OR2T12: variants seen among roughly 807,000 people sequenced by gnomAD.
OR2T12 encodes the protein olfactory receptor 2T12.
For synonymous variants in OR2T12, 127 were observed against 160.5 expected, an observed-to-expected ratio of 0.79 and a Z score of 1.58; for missense variants, 335 against 404.3, an observed-to-expected ratio of 0.83 and a Z score of 1.47.
In OR2T12 at chr1:248,294,479, G is replaced by T; in HGVS notation, c.*137C>A. The T allele has an allele frequency of 8.7e-7, 1 of 1,151,908 alleles. No homozygotes were observed. The highest frequency in any genetic ancestry group is 1.2e-6 in the Non-Finnish European group (1 of 815,032). 71.4% of individuals were successfully genotyped at this position (1,151,908 alleles called of 1,614,324 possible). On this transcript the variant is annotated 3_prime_UTR_variant, in exon 3 of 3. Transcript: ENST00000641276. ...AAAATGGTATCTGTCAATACAATTG[G>T]CTCACTTCATTCTTAAAAATATCTT... is the stretch of plus-strand genomic sequence containing the variant.
Position 248,301,523 on chromosome 1 carries a change from A to T in OR2T12, c.-159T>A, listed in dbSNP as rs1046237227. 7 of 152,066 alleles carry T rather than the reference A, an allele frequency of 4.6e-5. No homozygotes were observed. The highest frequency in any genetic ancestry group is 9.7e-5 in the African/African-American group (4 of 41,436). 9.4% of individuals were successfully genotyped at this position (152,066 alleles called of 1,614,324 possible). ...AAAAATGGATCTGTGGTGAAATATC[A>T]TTGCAACTCCAAGTTATCCAGGACT... On this transcript the variant is annotated 5_prime_UTR_variant, in exon 2 of 3. The change abolishes an upstream ATG in the 5' untranslated region. Coordinates refer to ENST00000641276, the MANE Select transcript of OR2T12 (RefSeq NM_001004692.2).
rs1312992067 is a variant in OR2T12, at chr1:248,295,180, G to A, written c.399C>T (p.Leu133=). The A allele has an allele frequency of 2.5e-6, 4 of 1,609,398 alleles. No individual in the cohort carries two copies. The East Asian group carries it at 8.9e-5, about 36-fold the overall frequency. ...AVCHPLRYPT[L]MSWQLCLRMT... is the part of the protein sequence containing the mutation. ...TCCTCAGGCACAGCTGCCAGCTCATGAGAGTGGGATATCGGAGTGGGTGGC... is the reference window on the plus strand; with the variant it reads ...TCCTCAGGCACAGCTGCCAGCTCATAAGAGTGGGATATCGGAGTGGGTGGC... The change falls in exon 3 of 3, where the codon CTC becomes CTT. Residue 133 remains leucine (L), a synonymous_variant. Coordinates refer to ENST00000641276, the MANE Select transcript of OR2T12 (RefSeq NM_001004692.2).
In OR2T12 at chr1:248,295,141, G is replaced by A. The variant is rs141434381; in HGVS notation, c.438C>T (p.Ser146=). ...GGCCGTCAGCTGCACCCAGGAGCCAGGACGACATGGTCATCCTCAGGCACA... is the reference window on the plus strand; with the variant it reads ...GGCCGTCAGCTGCACCCAGGAGCCAAGACGACATGGTCATCCTCAGGCACA... The part of the protein sequence containing the change: ...WQLCLRMTMS[S]WLLGAADGLL... The change falls in exon 3 of 3, where the codon TCC becomes TCT. Residue 146 remains serine, a synonymous_variant. Coordinates refer to ENST00000641276, the MANE Select transcript of OR2T12 (RefSeq NM_001004692.2). 4.4e-3 allele frequency: 6,823 copies of A among 1,540,254 alleles called. 157 individuals carry two copies. The African/African-American group carries it at 0.057, about 13-fold the overall frequency.
At position 248,291,749 on chromosome 1, in the gene OR2T12, C is replaced by A. The variant is rs1157420935; in HGVS notation, c.*2867G>T. 6.6e-6 allele frequency: 1 copy of A among 152,054 alleles called. No homozygotes were observed. The highest frequency in any genetic ancestry group is 1.5e-5 in the Non-Finnish European group (1 of 68,014). The allele number at this position is 152,054 out of a possible 1,614,324, so 9.4% of individuals were successfully genotyped here. A position where few individuals can be genotyped will look rare whatever the true frequency, so the allele number is the denominator to read the frequency against. On this transcript the variant is annotated 3_prime_UTR_variant, in exon 3 of 3. Transcript: ENST00000641276. The stretch of plus-strand genomic sequence containing the variant: ...ACTGGTACCAAAACAGATATATAGA[C>A]CAATAAACAGAACAGAGGCCTCAGA...
chr1:248,298,800 C>G (rs888815356), intron 2 of OR2T12, among the ~76,000 whole-genome samples: 7 of 151,202 alleles, frequency 4.6e-5, no homozygotes, highest in African/African-American at 1.7e-4. Context: ...TTCAAAAAAC[C>G]AGCTCCTGGA....
chr1:248,296,243 C>A (rs1285292863), intron 2 of OR2T12, among the ~76,000 whole-genome samples: 1 of 152,148 alleles, frequency 6.6e-6, no homozygotes, highest in Non-Finnish European at 1.5e-5. Flanking sequence ...TTTTCTTAAT[C>A]CAGTCTATCA....
intron 1 of OR2T12, among the ~76,000 whole-genome samples, 182 bp downstream of exon 1, chr1:248,303,164 C>G (rs1205435469): frequency 1.3e-5 from 2 of 152,054 alleles, no homozygotes; most frequent in Non-Finnish European, 2.9e-5. Context: ...AGGCAGGTAA[C>G]CACTCCTTCT....
chr1:248,302,512 TACAAAATGTATATCCAACA>T (rs1223560936), intron 1 of OR2T12, among the ~76,000 whole-genome samples: 1 of 152,178 alleles, frequency 6.6e-6, no homozygotes, highest in Non-Finnish European at 1.5e-5. Flanking sequence ...TAAAGCATTT[TACAAAATGTATATCCAACA>T]TATTTGTTGT....
In OR2T12 at chr1:248,293,602, C is replaced by T. The variant is rs1299490434; in HGVS notation, c.*1014G>A. On this transcript the variant is annotated 3_prime_UTR_variant, in exon 3 of 3. Transcript: ENST00000641276. ...GTCCCAAATTTTTCATCAGAAATAT[C>T]TCTACTTACCTATGCCTTGGGAGAA... The T allele has an allele frequency of 6.6e-6, 1 of 152,140 alleles. No individual in the cohort carries two copies. The highest frequency in any genetic ancestry group is 6.6e-5 in the Admixed American group (1 of 15,262). The allele number at this position is 152,140 out of a possible 1,614,324, so 9.4% of individuals were successfully genotyped here.
rs1452859438 is a variant in OR2T12, at chr1:248,293,966, A to G, written c.*650T>C. ...TGTGACAATATAGCAGTTACATTTGAGTTGTGTACTTCCCCTTTTGTCATG... is the reference window on the plus strand; with the variant it reads ...TGTGACAATATAGCAGTTACATTTGGGTTGTGTACTTCCCCTTTTGTCATG... On this transcript the variant is annotated 3_prime_UTR_variant, in exon 3 of 3. Coordinates refer to ENST00000641276, the MANE Select transcript of OR2T12 (RefSeq NM_001004692.2). 9 of 152,162 alleles carry G rather than the reference A, an allele frequency of 5.9e-5. No homozygotes were observed. Among genetic ancestry groups the G allele is most frequent in the African/African-American group, 2.2e-4 (9 of 41,454 alleles). 9.4% of individuals were successfully genotyped at this position (152,162 alleles called of 1,614,324 possible). A position where few individuals can be genotyped will look rare whatever the true frequency, so the allele number is the denominator to read the frequency against.
chr1:248,297,569 C>T lies in OR2T12; in HGVS notation c.-8-1983G>A, dbSNP rs887315530. ...CAGTTCTCCTTAAAGAGGTCCTTCACGTCCCTTGTAACTTGGATTCCTAGG... is the reference window on the plus strand; with the variant it reads ...CAGTTCTCCTTAAAGAGGTCCTTCATGTCCCTTGTAACTTGGATTCCTAGG... On this transcript the variant is annotated intron_variant, in intron 2 of 2. Transcript: ENST00000641276. 7.9e-5 allele frequency among the ~76,000 whole-genome samples: 12 copies of T among 152,192 alleles called. No homozygotes were observed. The South Asian group carries it at 1.2e-3, about 16-fold the overall frequency.
chr1:248,296,177 C>T (rs1659723993), intron 2 of OR2T12, among the ~76,000 whole-genome samples: 2 of 152,166 alleles, frequency 1.3e-5, no homozygotes, highest in Admixed American at 6.5e-5. Context: ...CTACAAAGGA[C>T]ATGAACTCAT....
At chr1:248,298,665 G>A (rs924108073) in intron 2 of OR2T12, among the ~76,000 whole-genome samples, 11 of 151,362 alleles carry the variant, frequency 7.3e-5, no homozygotes, top group Non-Finnish European at 1.5e-4. Context: ...TTCTCTGATG[G>A]TAGTTTGTAT....
At chr1:248,302,775 A>G (rs2103040435) in intron 1 of OR2T12, among the ~76,000 whole-genome samples, 1 of 152,214 alleles carries the variant, frequency 6.6e-6, no homozygotes, top group Non-Finnish European at 1.5e-5. Context: ...GACAAAATTA[A>G]CTTATATTCT....
Position 248,294,484 on chromosome 1 carries a change from C to A in OR2T12, c.*132G>T, listed in dbSNP as rs1164952664. On this transcript the variant is annotated 3_prime_UTR_variant, in exon 3 of 3. Coordinates refer to ENST00000641276, the MANE Select transcript of OR2T12 (RefSeq NM_001004692.2). ...GGTATCTGTCAATACAATTGGCTCACTTCATTCTTAAAAATATCTTATTAT... is the reference window on the plus strand; with the variant it reads ...GGTATCTGTCAATACAATTGGCTCAATTCATTCTTAAAAATATCTTATTAT... 7.9e-7 allele frequency: 1 copy of A among 1,270,370 alleles called. No homozygotes were observed. The allele number at this position is 1,270,370 out of a possible 1,614,324, so 78.7% of individuals were successfully genotyped here.
Position 248,294,916 on chromosome 1 carries a change from A to C in OR2T12, c.663T>G (p.Ala221=). Residue 221 remains alanine, a synonymous_variant, in exon 3 of 3, where the codon GCT becomes GCG. Coordinates refer to ENST00000641276, the MANE Select transcript of OR2T12 (RefSeq NM_001004692.2). The part of the protein sequence containing the change: ...LILSSYGLIL[A]AVLLMRSTEA... Reference sequence around the variant, plus strand: ...CTGTAGAGCGCATGAGCAGAACAGCAGCGAGGATGAGACCATAGGAGGACA... The same window carrying C: ...CTGTAGAGCGCATGAGCAGAACAGCCGCGAGGATGAGACCATAGGAGGACA... 1 of 1,611,974 alleles carries C rather than the reference A, an allele frequency of 6.2e-7. No homozygotes were observed. Among genetic ancestry groups the C allele is most frequent in the Non-Finnish European group, 8.5e-7 (1 of 1,179,850 alleles).
chr1:248,297,197 T>C (rs1243219534), intron 2 of OR2T12, among the ~76,000 whole-genome samples: 1 of 152,064 alleles, frequency 6.6e-6, no homozygotes, highest in Admixed American at 6.5e-5. Flanking sequence ...GGCTCTGTTC[T>C]GTTCCATTGA....
rs1659606816 is a variant in OR2T12 at position 248,290,501 on chromosome 1, G to A, written c.*4115C>T. 6.6e-6 allele frequency: 1 copy of A among 151,964 alleles called. No homozygotes were observed. Among genetic ancestry groups the A allele is most frequent in the African/African-American group, 2.4e-5 (1 of 41,362 alleles). 9.4% of individuals were successfully genotyped at this position (151,964 alleles called of 1,614,324 possible). A position where few individuals can be genotyped will look rare whatever the true frequency, so the allele number is the denominator to read the frequency against. On this transcript the variant is annotated 3_prime_UTR_variant, in exon 3 of 3. Transcript: ENST00000641276. ...GGTTGGATTCACATATTTACTATTG[G>A]GAATAACTGCAATAAACATATGTGT... is the stretch of plus-strand genomic sequence containing the variant.
chr1:248,293,088 C>G lies in OR2T12; in HGVS notation c.*1528G>C, dbSNP rs533899048. ...CTCTTAGTCTTAAACAGATGACACT[C>G]TCTCCTGTCATCCTCAAGTCTTCCA... On this transcript the variant is annotated 3_prime_UTR_variant, in exon 3 of 3. Transcript: ENST00000641276. 14 of 152,234 alleles carry G rather than the reference C, an allele frequency of 9.2e-5. No homozygotes were observed. The South Asian group carries it at 2.9e-3, about 32-fold the overall frequency. 9.4% of individuals were successfully genotyped at this position (152,234 alleles called of 1,614,324 possible).
Sources: gnomAD v4.1 joint callset for allele counts (sites outside exome capture counted in the v4.1 genomes callset) on GRCh38, gnomAD v4.1.1 for gene constraint, MANE v1.5 for transcripts, NCBI Gene and HGNC (gene_info 2026-07-23, HGNC 2026-07-21) for gene names.